Variants in ADGRA1 observed in about 807,000 individuals in gnomAD.
The protein encoded by ADGRA1 is G-protein coupled receptor 123.
Under a neutral mutation model 21.3 loss-of-function variants are expected in ADGRA1, and 12 were observed. The ratio of observed to expected loss-of-function variants is 0.56; its 90% CI spans 0.36 to 0.91. ADGRA1 has a LOEUF of 0.91. Ranked by LOEUF, ADGRA1 falls within the 40% of genes least tolerant of loss-of-function variation. The pLI, the probability that ADGRA1 is intolerant of heterozygous loss-of-function variation, is 0.01. For missense variants in ADGRA1, 790 were observed against 805.6 expected (o/e 0.98, Z 0.23); for synonymous variants, 385 against 368.8 (o/e 1.04, Z -0.50).
Position 133,128,756 on chromosome 10 carries a change from C to A in ADGRA1, c.928C>A (p.Arg310Ser). ...CGTGCTCATCCACCACTGCGCCAAG[C>A]GTGAGGACGTGTGGCAGTGCTGGTG... Reference protein sequence around the residue: ...LFVLIHHCAKREDVWQCWWAC... With the variant: ...LFVLIHHCAKSEDVWQCWWAC... Residue 310 changes from arginine to serine, a missense_variant, in exon 7 of 7, where the codon CGT becomes AGT. By Grantham distance (110) the Arg-to-Ser change is moderately radical. Around this residue, in one of 3 missense-constraint regions of ADGRA1, gnomAD observed 17 missense variants for 38.5 expected, o/e 0.44. Coordinates refer to ENST00000392607, the MANE Select transcript of ADGRA1 (RefSeq NM_001083909.3). 1 of 1,611,820 alleles carries A rather than the reference C, an allele frequency of 6.2e-7. No homozygotes were observed.
chr10:133,098,621 C>T lies in ADGRA1; in HGVS notation c.132-19C>T. 2 of 1,603,130 alleles carry T rather than the reference C, an allele frequency of 1.2e-6. No individual in the cohort carries two copies. The highest frequency in any genetic ancestry group is 1.7e-6 in the Non-Finnish European group (2 of 1,178,140). ...GCAGAGCCTCTGCTCATGTGAAACC[C>T]TCCTTTCCCGTCCCACAGCGCCATC... On this transcript the variant is annotated intron_variant, in intron 3 of 6. Transcript: ENST00000392607.
At chr10:133,123,466 A>G (rs1444410095) in intron 5 of ADGRA1, among the ~76,000 whole-genome samples, 1 of 151,956 alleles carries the variant, frequency 6.6e-6, no homozygotes, top group African/African-American at 2.4e-5. Flanking sequence ...TGCCACATCC[A>G]CACCATGTCT....
At chr10:133,100,922 G>A (rs1309360595) in intron 4 of ADGRA1, among the ~76,000 whole-genome samples, 1 of 152,218 alleles carries the variant, frequency 6.6e-6, no homozygotes, top group Non-Finnish European at 1.5e-5. Flanking sequence ...CGGAGGCAGG[G>A]GCCGCAGTGG....
intron 5 of ADGRA1, among the ~76,000 whole-genome samples, chr10:133,103,258 C>T (rs1375364986): frequency 6.6e-6 from 1 of 152,196 alleles, no homozygotes; most frequent in Admixed American, 6.5e-5. Context: ...CTATGCCCCG[C>T]AGGGCAGCCA....
intron 2 of ADGRA1, among the ~76,000 whole-genome samples, chr10:133,095,495 G>A (rs1015429036): frequency 3.2e-4 from 48 of 152,216 alleles, no homozygotes; most frequent in African/African-American, 1.1e-3. Context: ...AGCGACGCCC[G>A]CTCCTCTCCC....
intron 5 of ADGRA1, among the ~76,000 whole-genome samples, chr10:133,111,260 C>A (rs1484408234): frequency 1.1e-5 from 1 of 91,598 alleles, no homozygotes; most frequent in Non-Finnish European, 1.9e-5. Context: ...CTGCCCACCA[C>A]AGGCACCTCC....
In ADGRA1 at chr10:133,107,326, C is replaced by A. The variant is rs569585611; in HGVS notation, c.401+4484C>A. 5.1e-4 allele frequency among the ~76,000 whole-genome samples: 78 copies of A among 152,260 alleles called. 1 individual carries two copies. Among genetic ancestry groups the A allele is most frequent in the African/African-American group, 1.8e-3 (75 of 41,554 alleles). On this transcript the variant is annotated intron_variant, in intron 5 of 6. Transcript: ENST00000392607. ...ACTTCTTCCCTTCCAGTCTGGAGGG[C>A]TTTATTTCTTTTTCTTGCCTAATTG...
chr10:133,089,370 T>G (rs1851559992), intron 2 of ADGRA1, among the ~76,000 whole-genome samples: 1 of 152,012 alleles, frequency 6.6e-6, no homozygotes. Flanking sequence ...GCTTCAGCAG[T>G]GGAGGCTGTG....
At chr10:133,099,226 A>C (rs7080118) in intron 4 of ADGRA1, among the ~76,000 whole-genome samples, 1,264 of 73,774 alleles carry the variant, frequency 0.017, no homozygotes, top group African/African-American at 0.026. Context: ...CCACCCCTCC[A>C]GGAGAAAGTG....
intron 2 of ADGRA1, among the ~76,000 whole-genome samples, chr10:133,096,493 C>T (rs1238319197): frequency 1.3e-5 from 2 of 152,216 alleles, no homozygotes; most frequent in African/African-American, 2.4e-5. Flanking sequence ...CGCAGAAGCT[C>T]GTACAGAATC....
In ADGRA1 at chr10:133,129,947, C is replaced by G. The variant is rs548282929; in HGVS notation, c.*436C>G. 1 of 175,536 alleles carries G rather than the reference C, an allele frequency of 5.7e-6. No homozygotes were observed. Among genetic ancestry groups the G allele is most frequent in the Admixed American group, 5.7e-5 (1 of 17,570 alleles). The allele number at this position is 175,536 out of a possible 1,614,324, so 10.9% of individuals were successfully genotyped here. On this transcript the variant is annotated 3_prime_UTR_variant, in exon 7 of 7. Transcript: ENST00000392607. ...GAGTCCTGGCTTCCCCTGGTGTGGC[C>G]GGGCAGGGCCGAGATCGCAGGAGGG...
chr10:133,107,085 T>C (rs1280869982), intron 5 of ADGRA1, among the ~76,000 whole-genome samples: 1 of 152,262 alleles, frequency 6.6e-6, no homozygotes, highest in South Asian at 2.1e-4. Context: ...CCAGGGATTT[T>C]ATTCTTTTGA....
At chr10:133,127,538 A>G (rs951295776) in intron 6 of ADGRA1, among the ~76,000 whole-genome samples, 1 of 151,794 alleles carries the variant, frequency 6.6e-6, no homozygotes, top group Admixed American at 6.6e-5. Context: ...GTCCAACCTA[A>G]TCTTTGCCTT....
At chr10:133,099,215 A>AGAAAGTGCTGGGGGGACACAGC (rs1851747122) in intron 4 of ADGRA1, among the ~76,000 whole-genome samples, 76 of 34,394 alleles carry the variant, frequency 2.2e-3, no homozygotes, top group Admixed American at 5.3e-3. Flanking sequence ...GGGGACACAG[A>AGAAAGTGCTGGGGGGACACAGC]CCACCCCTCC....
At chr10:133,114,157 G>A (rs1852112990) in intron 5 of ADGRA1, among the ~76,000 whole-genome samples, 1 of 152,222 alleles carries the variant, frequency 6.6e-6, no homozygotes, top group Non-Finnish European at 1.5e-5. Context: ...CAAGCCCAGT[G>A]CCCGCACACT....
intron 2 of ADGRA1, among the ~76,000 whole-genome samples, chr10:133,091,348 G>A (rs1204196019): frequency 2.0e-5 from 3 of 152,178 alleles, no homozygotes; most frequent in African/African-American, 7.2e-5. Context: ...TGGTTGCCGT[G>A]GGATGGGCGG....
chr10:133,120,085 T>G (rs893119815), intron 5 of ADGRA1, among the ~76,000 whole-genome samples: 16 of 152,232 alleles, frequency 1.1e-4, no homozygotes, highest in African/African-American at 3.6e-4. Flanking sequence ...CTTCTTCCAG[T>G]AGAAGGCTTT....
At chr10:133,121,937 G>GTGTGTGAGTGTGCT (rs999384921) in intron 5 of ADGRA1, among the ~76,000 whole-genome samples, 1 of 151,114 alleles carries the variant, frequency 6.6e-6, no homozygotes, top group Non-Finnish European at 1.5e-5. Flanking sequence ...GTGCCAGTGT[G>GTGTGTGAGTGTGCT]TGTGTGAGTG....
intron 2 of ADGRA1, chr10:133,095,771 C>G (rs1160139407): frequency 6.3e-7 from 1 of 1,598,530 alleles, no homozygotes; most frequent in African/African-American, 1.3e-5. Flanking sequence ...CTGCCTGCAT[C>G]CCGACACAGG....
Sources: allele counts gnomAD v4.1 joint callset (sites outside exome capture counted in the v4.1 genomes callset), GRCh38; gene constraint gnomAD v4.1.1; regional missense constraint gnomAD v4.1.1; transcripts MANE v1.5; gene names NCBI Gene and HGNC (gene_info 2026-07-23, HGNC 2026-07-21).